The following AGAP2 variants were observed in gnomAD, a reference collection of about 807,000 sequenced individuals.
AGAP2 encodes the protein arf-GAP with GTPase, ANK repeat and PH domain-containing protein 2.
Under a neutral mutation model 110.9 loss-of-function variants are expected in AGAP2, and 32 were observed. The observed-to-expected ratio is 0.29, with a 90% confidence interval of 0.22 to 0.39. The LOEUF (loss-of-function observed/expected upper bound fraction) is 0.39. AGAP2 is among the 10% of genes least tolerant of loss of function. AGAP2 has a pLI of 1.00. For synonymous variants in AGAP2, 702 were observed against 713.0 expected (o/e 0.98, Z 0.25); for missense variants, 1,285 against 1,638.5 (o/e 0.78, Z 3.72).
Position 57,737,147 on chromosome 12 carries a change from C to T in AGAP2, c.1100G>A (p.Gly367Glu), listed in dbSNP as rs1315491285. 2.0e-5 allele frequency: 31 copies of T among 1,569,434 alleles called. No individual in the cohort carries two copies. Among genetic ancestry groups the T allele is most frequent in the Non-Finnish European group, 2.6e-5 (30 of 1,157,800 alleles). Residue 367 changes from glycine (G) to glutamate (E), a missense_variant, in exon 1 of 19, where the codon GGA (glycine) becomes GAA (glutamate). Physicochemically the swap from Gly to Glu is moderately conservative, Grantham distance 98. This residue lies in a region of AGAP2 where 844 missense variants were observed against 941.2 expected (regional missense o/e 0.90). Coordinates refer to ENST00000547588, the MANE Select transcript of AGAP2 (RefSeq NM_001122772.3). This position sits in a 1 kb window ranked among gnomAD's most constrained non-coding sequence, Gnocchi z 5.9. ...GCTGCCAGAAGACAGGCTGGGGGGTCCGGGAAGGGGCCCGGAGCCAGGAGG... is the reference window on the plus strand; with the variant it reads ...GCTGCCAGAAGACAGGCTGGGGGGTTCGGGAAGGGGCCCGGAGCCAGGAGG... The part of the protein sequence containing the change: ...GGPPGSGPLP[G>E]PPSLSSGSGS...
rs750370914 is a variant in AGAP2, at chr12:57,726,567, C to T, written c.3564G>A (p.Pro1188=). Residue 1188 remains proline, a synonymous_variant, in exon 19 of 19, where the codon CCG becomes CCA. Coordinates refer to ENST00000547588, the MANE Select transcript of AGAP2 (RefSeq NM_001122772.3). This position sits in a 1 kb window ranked among gnomAD's most constrained non-coding sequence, Gnocchi z 5.7. ...SAASVGRADA[P]VALV is the part of the protein sequence containing the mutation. Reference sequence around the variant, plus strand: ...CGCTGGGCAACTATACCAGCGCAACCGGGGCGTCGGCGCGGCCCACGCTAG... The same window carrying T: ...CGCTGGGCAACTATACCAGCGCAACTGGGGCGTCGGCGCGGCCCACGCTAG... 2.5e-6 allele frequency: 3 copies of T among 1,209,618 alleles called. No homozygotes were observed. The highest frequency in any genetic ancestry group is 4.0e-5 in the South Asian group (1 of 25,210). The allele number at this position is 1,209,618 out of a possible 1,614,324, so 74.9% of individuals were successfully genotyped here.
rs56107029 is a variant in AGAP2, at chr12:57,725,479, C to A, written c.*1073G>T. On this transcript the variant is annotated 3_prime_UTR_variant, in exon 19 of 19. Transcript: ENST00000547588. The stretch of plus-strand genomic sequence containing the variant: ...AAGGGGCAGGGGGCCTGGAAACCCT[C>A]CCAGCCACCTCGAATCCTCTCAGCC... 6.6e-6 allele frequency: 1 copy of A among 152,290 alleles called. No individual in the cohort carries two copies. The highest frequency in any genetic ancestry group is 6.5e-5 in the Admixed American group (1 of 15,280). 9.4% of individuals were successfully genotyped at this position (152,290 alleles called of 1,614,324 possible).
chr12:57,741,467 G>A (rs539522891), upstream of AGAP2, among the ~76,000 whole-genome samples: 265 of 152,234 alleles, frequency 1.7e-3, no homozygotes, highest in East Asian at 0.028. Flanking sequence ...GTGTGTGTGT[G>A]TATGTGTGTG....
chr12:57,730,680 C>T (rs1049561545), intron 11 of AGAP2, 66 bp from the exon 12 acceptor site: 7 of 1,605,530 alleles, frequency 4.4e-6, no homozygotes, highest in Non-Finnish European at 6.0e-6. Flanking sequence ...TGTGGTCCCT[C>T]TTTATCACCC....
chr12:57,727,330 C>A (rs780492325), intron 17 of AGAP2, 30 bp downstream of exon 17: 3 of 1,604,744 alleles, frequency 1.9e-6, no homozygotes, highest in East Asian at 4.5e-5. Context: ...CCTCAGCAAC[C>A]CTCCCCCCGC....
At chr12:57,733,637 G>T (rs965808873) in intron 5 of AGAP2, among the ~76,000 whole-genome samples, 2 of 152,134 alleles carry the variant, frequency 1.3e-5, no homozygotes, top group African/African-American at 2.4e-5. Flanking sequence ...CCTTTAAAAG[G>T]TGTCAGCCTT....
At chr12:57,735,232 A>G (rs1455052995) in intron 2 of AGAP2, 137 bp downstream of exon 2, 4 of 812,948 alleles carry the variant, frequency 4.9e-6, no homozygotes, top group Non-Finnish European at 6.0e-6. Flanking sequence ...ATGAAGGCAG[A>G]CTCTCAGGAG....
At chr12:57,729,212 AAG>A (rs1954837139) in intron 13 of AGAP2, among the ~76,000 whole-genome samples, 2 of 151,600 alleles carry the variant, frequency 1.3e-5, no homozygotes, top group Admixed American at 6.6e-5. Flanking sequence ...AAAAAAAAGA[AAG>A]AAAGTTATTG....
chr12:57,726,998 G>T lies in AGAP2; in HGVS notation c.3312C>A (p.Val1104=). ...PLHLAAELAH[V]VITQLLLWYG... ...CCCACAGCAGCAGTTGCGTGATGAC[G>T]ACGTGGGCGAGCTCGGCCGCCAGGT... The change falls in exon 18 of 19, where the codon GTC becomes GTA. Residue 1104 remains valine (V), a synonymous_variant. Transcript: ENST00000547588. This position sits in a 1 kb window ranked among gnomAD's most constrained non-coding sequence, Gnocchi z 5.7. The T allele has an allele frequency of 6.2e-7, 1 of 1,602,042 alleles. No individual in the cohort carries two copies. Among genetic ancestry groups the T allele is most frequent in the South Asian group, 1.1e-5 (1 of 90,382 alleles).
chr12:57,726,587 C>A lies in AGAP2; in HGVS notation c.3544G>T (p.Val1182Leu). Residue 1182 changes from valine (V) to leucine (L), a missense_variant, in exon 19 of 19, where the codon GTG becomes TTG. Transcript: ENST00000547588. This position sits in a 1 kb window ranked among gnomAD's most constrained non-coding sequence, Gnocchi z 5.7. ...SPRRRSSAAS[V>L]GRADAPVALV ...GCAACCGGGGCGTCGGCGCGGCCCA[C>A]GCTAGCGGCGCTGCTCCGGCGGCGG... is the stretch of plus-strand genomic sequence containing the variant. 8.3e-7 allele frequency: 1 copy of A among 1,204,000 alleles called. No individual in the cohort carries two copies. The highest frequency in any genetic ancestry group is 1.0e-6 in the Non-Finnish European group (1 of 969,714). 74.6% of individuals were successfully genotyped at this position (1,204,000 alleles called of 1,614,324 possible). A position where few individuals can be genotyped will look rare whatever the true frequency, so the allele number is the denominator to read the frequency against.
intron 13 of AGAP2, 121 bp from the exon 14 acceptor site, chr12:57,728,498 GC>G: frequency 1.9e-6 from 2 of 1,034,426 alleles, no homozygotes; most frequent in Non-Finnish European, 2.9e-6. Flanking sequence ...GTGACAGAGT[GC>G]CAGAGACAAA....
At chr12:57,732,757 C>CAG in intron 6 of AGAP2, 88 bp downstream of exon 6, 7 of 1,577,238 alleles carry the variant, frequency 4.4e-6, no homozygotes, top group Non-Finnish European at 6.0e-6. Flanking sequence ...CTGTCACTCA[C>CAG]AGAGAGAGGC....
Position 57,727,988 on chromosome 12 carries a change from G to C in AGAP2, c.2715C>G (p.Ile905Met). 2 of 1,614,150 alleles carry C rather than the reference G, an allele frequency of 1.2e-6. No individual in the cohort carries two copies. The highest frequency in any genetic ancestry group is 1.7e-6 in the Non-Finnish European group (2 of 1,180,000). The change falls in exon 15 of 19, where the codon ATC (isoleucine) becomes ATG (methionine). Residue 905 changes from isoleucine (I) to methionine (M), a missense_variant. Ile to Met is a conservative substitution (Grantham distance 10). Coordinates refer to ENST00000547588, the MANE Select transcript of AGAP2 (RefSeq NM_001122772.3). ...GCAGACTGGCTAGGATCTGACTCTC[G>C]ATGGCCTGGACCCAGGCATCCCGCT... ...FEERDAWVQAIESQILASLQC... is the reference protein window; with the variant it reads ...FEERDAWVQAMESQILASLQC...
chr12:57,728,899 C>A (rs1203714837), intron 13 of AGAP2, among the ~76,000 whole-genome samples: 4 of 152,060 alleles, frequency 2.6e-5, no homozygotes, highest in South Asian at 2.1e-4. Context: ...GTGACTCATG[C>A]CTGTAATCCC....
In AGAP2 at chr12:57,727,940, G is replaced by T. The variant is rs1296177329; in HGVS notation, c.2763C>A (p.Val921=). 2 of 1,613,856 alleles carry T rather than the reference G, an allele frequency of 1.2e-6. No individual in the cohort carries two copies. The highest frequency in any genetic ancestry group is 1.7e-6 in the Non-Finnish European group (2 of 1,180,018). ...CCACTCCACCTCAAACTCTTACCTTGACCTTGCTGCTCTCACAGCATTGCA... is the reference window on the plus strand; with the variant it reads ...CCACTCCACCTCAAACTCTTACCTTTACCTTGCTGCTCTCACAGCATTGCA... The part of the protein sequence containing the change: ...ASLQCCESSK[V]KLRTDSQSEA... Residue 921 remains valine, a synonymous_variant, in exon 15 of 19, where the codon GTC becomes GTA. Coordinates refer to ENST00000547588, the MANE Select transcript of AGAP2 (RefSeq NM_001122772.3).
At position 57,737,144 on chromosome 12, in the gene AGAP2, G is replaced by C. The variant is rs912603875; in HGVS notation, c.1103C>G (p.Pro368Arg). The C allele has an allele frequency of 2.0e-5, 32 of 1,568,450 alleles. No individual in the cohort carries two copies. Among genetic ancestry groups the C allele is most frequent in the Non-Finnish European group, 2.7e-5 (31 of 1,157,286 alleles). The change falls in exon 1 of 19, where the codon CCC (proline) becomes CGC (arginine). Residue 368 changes from proline (P) to arginine (R), a missense_variant. Pro to Arg is a moderately radical substitution (Grantham distance 103). Around this residue, in one of 7 missense-constraint regions of AGAP2, gnomAD observed 844 missense variants for 941.2 expected, o/e 0.90. Transcript: ENST00000547588. This position sits in a 1 kb window ranked among gnomAD's most constrained non-coding sequence, Gnocchi z 5.9. ...CCCGCTGCCAGAAGACAGGCTGGGGGGTCCGGGAAGGGGCCCGGAGCCAGG... is the reference window on the plus strand; with the variant it reads ...CCCGCTGCCAGAAGACAGGCTGGGGCGTCCGGGAAGGGGCCCGGAGCCAGG... Reference protein sequence around the residue: ...GPPGSGPLPGPPSLSSGSGSR... With the variant: ...GPPGSGPLPGRPSLSSGSGSR...
rs774267865 is a variant in AGAP2, at chr12:57,732,876, A to G, written c.1653T>C (p.Tyr551=). Residue 551 remains tyrosine, a synonymous_variant, in exon 6 of 19, where the codon TAT becomes TAC. Coordinates refer to ENST00000547588, the MANE Select transcript of AGAP2 (RefSeq NM_001122772.3). ...RCSYYETCAT[Y]GLNVDRVFQE... Reference sequence around the variant, plus strand: ...GGAAGACCCGATCCACATTGAGCCCATAGGTTGCACAAGTCTCATAGTAGC... The same window carrying G: ...GGAAGACCCGATCCACATTGAGCCCGTAGGTTGCACAAGTCTCATAGTAGC... The G allele has an allele frequency of 9.3e-6, 15 of 1,614,006 alleles. No individual in the cohort carries two copies. The highest frequency in any genetic ancestry group is 5.5e-5 in the South Asian group (5 of 91,082).
rs1954765869 is a variant in AGAP2, at chr12:57,726,556, A to T, written c.3575T>A (p.Val1192Glu). Residue 1192 changes from valine (V) to glutamate (E), a missense_variant, in exon 19 of 19, where the codon GTA becomes GAA. By Grantham distance (121) the Val-to-Glu change is moderately radical (BLOSUM62 -2). Coordinates refer to ENST00000547588, the MANE Select transcript of AGAP2 (RefSeq NM_001122772.3). The surrounding 1 kb of genome is among the most constrained non-coding windows in gnomAD (Gnocchi z 5.7). ...VGRADAPVALV is the reference protein window; with the variant it reads ...VGRADAPVALE ...GGTGTCTCTCCCGCTGGGCAACTATACCAGCGCAACCGGGGCGTCGGCGCG... is the reference window on the plus strand; with the variant it reads ...GGTGTCTCTCCCGCTGGGCAACTATTCCAGCGCAACCGGGGCGTCGGCGCG... 8.3e-7 allele frequency: 1 copy of T among 1,211,096 alleles called. No homozygotes were observed. 75.0% of individuals were successfully genotyped at this position (1,211,096 alleles called of 1,614,324 possible).
At position 57,726,433 on chromosome 12, in the gene AGAP2, G is replaced by A. The variant is rs1009575086; in HGVS notation, c.*119C>T. 2.0e-6 allele frequency: 2 copies of A among 1,022,444 alleles called. No homozygotes were observed. The highest frequency in any genetic ancestry group is 9.7e-5 in the South Asian group (2 of 20,658). The allele number at this position is 1,022,444 out of a possible 1,614,324, so 63.3% of individuals were successfully genotyped here. Reference sequence around the variant, plus strand: ...GGCTGTGCCCTCGTGGGGGTAGGAAGTGCTCCCGTGGGGCGGGGTGCGGAT... The same window carrying A: ...GGCTGTGCCCTCGTGGGGGTAGGAAATGCTCCCGTGGGGCGGGGTGCGGAT... On this transcript the variant is annotated 3_prime_UTR_variant, in exon 19 of 19. Transcript: ENST00000547588. The surrounding 1 kb of genome is among the most constrained non-coding windows in gnomAD (Gnocchi z 5.7).
Sources: gnomAD v4.1 joint callset for allele counts (sites outside exome capture counted in the v4.1 genomes callset) on GRCh38, gnomAD v4.1.1 for gene constraint, gnomAD v4.1.1 regional missense constraint, Gnocchi (gnomAD v3.1) non-coding constraint, MANE v1.5 for transcripts, NCBI Gene and HGNC (gene_info 2026-07-23, HGNC 2026-07-21) for gene names.